The following ATP9A variants were observed in gnomAD, a reference collection of about 807,000 sequenced individuals.
ATP9A encodes probable phospholipid-transporting ATPase IIA.
Under a neutral mutation model 144.1 loss-of-function variants are expected in ATP9A, and 52 were observed. The observed-to-expected ratio is 0.36, with a 90% confidence interval of 0.29 to 0.45. The LOEUF is 0.45. Among genes scored for constraint, ATP9A ranks in the 20% least tolerant of loss-of-function variants. ATP9A has a pLI of 1.00. For synonymous variants in ATP9A, 582 were observed against 557.4 expected, an observed-to-expected ratio of 1.04 and a Z score of -0.62; for missense variants, 947 against 1,392.7, an observed-to-expected ratio of 0.68 and a Z score of 5.09.
intron 4 of ATP9A, among the ~76,000 whole-genome samples, chr20:51,710,547 T>C: frequency 6.6e-6 from 1 of 152,190 alleles, no homozygotes; most frequent in Non-Finnish European, 1.5e-5. Context: ...ATCAAATAAC[T>C]AAACTCGCCT....
At chr20:51,730,076 T>G (rs2077733937) in intron 1 of ATP9A, 98 bp from the exon 2 acceptor site, 3 of 1,308,512 alleles carry the variant, frequency 2.3e-6, no homozygotes, top group East Asian at 2.7e-5. Context: ...CTACAGCATC[T>G]TCTCTGGCTC....
chr20:51,761,666 A>G (rs1481267492), intron 1 of ATP9A, among the ~76,000 whole-genome samples: 1 of 151,984 alleles, frequency 6.6e-6, no homozygotes, highest in Non-Finnish European at 1.5e-5. Flanking sequence ...AGGCTGAGAC[A>G]GGAGAATGGC....
At chr20:51,724,303 A>C (rs1485423841) in intron 3 of ATP9A, among the ~76,000 whole-genome samples, 2 of 152,186 alleles carry the variant, frequency 1.3e-5, no homozygotes, top group Non-Finnish European at 2.9e-5. Context: ...TTTGGAGAAA[A>C]AAGGGTATCT....
At chr20:51,619,560 CTT>C (rs66801111) in intron 19 of ATP9A, among the ~76,000 whole-genome samples, 1 of 77,178 alleles carries the variant, frequency 1.3e-5, no homozygotes. Context: ...CAAGACTCGT[CTT>C]TTAAAAAAAA....
intron 21 of ATP9A, among the ~76,000 whole-genome samples, chr20:51,618,430 G>A (rs2077212235): frequency 6.6e-6 from 1 of 152,082 alleles, no homozygotes; most frequent in Non-Finnish European, 1.5e-5. Context: ...CTGCACTCTT[G>A]AGCCACTGGC....
At position 51,657,053 on chromosome 20, in the gene ATP9A, G is replaced by A. The variant is rs149758833; in HGVS notation, c.1391C>T (p.Ala464Val). 6.4e-5 allele frequency: 103 copies of A among 1,614,054 alleles called. No homozygotes were observed. Among genetic ancestry groups the A allele is most frequent in the Admixed American group, 4.7e-4 (28 of 60,004 alleles). ...SRVHEAVKAI[A>V]LCHNVTPVYE... ...CACGGGAGTCACGTTGTGGCAGAGCGCGATGGCCTTCACGGCTTCGTGCAC... is the reference window on the plus strand; with the variant it reads ...CACGGGAGTCACGTTGTGGCAGAGCACGATGGCCTTCACGGCTTCGTGCAC... The change falls in exon 14 of 28, where the codon GCG (alanine) becomes GTG (valine). Residue 464 changes from alanine to valine, a missense_variant. Physicochemically the swap from Ala to Val is moderately conservative, Grantham distance 64. Around this residue, in one of 2 missense-constraint regions of ATP9A, gnomAD observed 770 missense variants for 1,047.9 expected, o/e 0.73. Transcript: ENST00000338821.
chr20:51,665,195 G>C (rs1294804525), intron 13 of ATP9A, among the ~76,000 whole-genome samples: 1 of 150,252 alleles, frequency 6.7e-6, no homozygotes, highest in African/African-American at 2.4e-5. Context: ...GCAATGTTCA[G>C]AATAGGCAAA....
chr20:51,639,718 G>A (rs1043100962), intron 14 of ATP9A, among the ~76,000 whole-genome samples: 2 of 152,118 alleles, frequency 1.3e-5, no homozygotes, highest in Non-Finnish European at 2.9e-5. Flanking sequence ...CCCTCTATAA[G>A]GCACAATTCA....
In ATP9A at chr20:51,638,728, T is replaced by C. The variant is rs115360892; in HGVS notation, c.1668+615A>G. On this transcript the variant is annotated intron_variant, in intron 15 of 27. Coordinates refer to ENST00000338821, the MANE Select transcript of ATP9A (RefSeq NM_006045.3). Reference sequence around the variant, plus strand: ...AAATTAAAAAATGAGTCAGCCCTGGTTTTGCAAGCCTGTAGTCCTAGCTAC... The same window carrying C: ...AAATTAAAAAATGAGTCAGCCCTGGCTTTGCAAGCCTGTAGTCCTAGCTAC... Among the ~76,000 whole-genome samples the C allele has an allele frequency of 2.5e-3, 373 of 152,080 alleles. 3 individuals are homozygous for C. The highest frequency in any genetic ancestry group is 8.7e-3 in the African/African-American group (360 of 41,454).
chr20:51,755,077 C>T (rs1271946357), intron 1 of ATP9A, among the ~76,000 whole-genome samples: 2 of 151,968 alleles, frequency 1.3e-5, no homozygotes, highest in African/African-American at 4.8e-5. Context: ...GAGACTGCAC[C>T]ACTGCACTCC....
At chr20:51,764,320 G>C (rs1045519081) in intron 1 of ATP9A, among the ~76,000 whole-genome samples, 1 of 152,194 alleles carries the variant, frequency 6.6e-6, no homozygotes, top group Non-Finnish European at 1.5e-5. Flanking sequence ...GCTCCATTCA[G>C]CCATAAGCAA....
chr20:51,712,854 C>A, intron 4 of ATP9A, 112 bp downstream of exon 4: 2 of 919,324 alleles, frequency 2.2e-6, no homozygotes, highest in South Asian at 1.5e-5. Context: ...AGCGACTGTT[C>A]CGCCACGTGG....
chr20:51,668,917 C>T (rs181981856), intron 13 of ATP9A, among the ~76,000 whole-genome samples: 1 of 152,190 alleles, frequency 6.6e-6, no homozygotes, highest in African/African-American at 2.4e-5. Flanking sequence ...CAGTTATGAC[C>T]GTATCAAGAA....
intron 14 of ATP9A, among the ~76,000 whole-genome samples, chr20:51,648,633 T>C (rs2077351688): frequency 1.3e-5 from 2 of 152,134 alleles, no homozygotes; most frequent in African/African-American, 4.8e-5. Flanking sequence ...AGTTTGAGAT[T>C]GGCCTGGTCA....
In ATP9A at chr20:51,622,966, G is replaced by A. The variant is rs527646151; in HGVS notation, c.2017-794C>T. 9.3e-4 allele frequency among the ~76,000 whole-genome samples: 141 copies of A among 152,240 alleles called. 1 individual carries two copies. Among genetic ancestry groups the A allele is most frequent in the Middle Eastern group, 3.4e-3 (1 of 294 alleles). On this transcript the variant is annotated intron_variant, in intron 18 of 27. Coordinates refer to ENST00000338821, the MANE Select transcript of ATP9A (RefSeq NM_006045.3). ...TGTCCACTACGTGCCCAGCACCCACGCTGAGCTCTCTGTTACCTTCATGAC... is the reference window on the plus strand; with the variant it reads ...TGTCCACTACGTGCCCAGCACCCACACTGAGCTCTCTGTTACCTTCATGAC...
chr20:51,738,520 G>C (rs1321214190), intron 1 of ATP9A, among the ~76,000 whole-genome samples: 1 of 150,210 alleles, frequency 6.7e-6, no homozygotes, highest in Non-Finnish European at 1.5e-5. Context: ...CCTTGCCAAC[G>C]TGGTGAAACC....
chr20:51,751,261 G>GTTTTTTT (rs201983884), intron 1 of ATP9A, among the ~76,000 whole-genome samples: 3 of 115,532 alleles, frequency 2.6e-5, no homozygotes, highest in African/African-American at 3.3e-5. Flanking sequence ...GGTTTTTTTT[G>GTTTTTTT]TTTTTTTTTT....
At chr20:51,752,878 G>A (rs2077838484) in intron 1 of ATP9A, among the ~76,000 whole-genome samples, 2 of 152,144 alleles carry the variant, frequency 1.3e-5, no homozygotes, top group Non-Finnish European at 2.9e-5. Flanking sequence ...CAAGGTGGGT[G>A]GATCACCTGA....
chr20:51,744,404 G>T, intron 1 of ATP9A, among the ~76,000 whole-genome samples: 1 of 152,264 alleles, frequency 6.6e-6, no homozygotes. Context: ...GACCTCAGGT[G>T]ATACACCTGC....
Sources: gnomAD v4.1 joint callset for allele counts (sites outside exome capture counted in the v4.1 genomes callset) on GRCh38, gnomAD v4.1.1 for gene constraint, gnomAD v4.1.1 regional missense constraint, MANE v1.5 for transcripts, NCBI Gene and HGNC (gene_info 2026-07-23, HGNC 2026-07-21) for gene names.